COL22A1: variants seen among roughly 807,000 people sequenced by gnomAD.
The protein encoded by COL22A1 is collagen alpha-1(XXII) chain.
Under a neutral mutation model 248.9 loss-of-function variants are expected in COL22A1, and 221 were observed. The observed-to-expected ratio is 0.89, with a 90% CI of 0.80 to 0.99. The LOEUF (loss-of-function observed/expected upper bound fraction) is 0.99, where lower values mean the gene tolerates loss of function less well. Ranked by LOEUF, COL22A1 falls within the 50% of genes least tolerant of loss-of-function variation. The probability of loss-of-function intolerance (pLI) is 0.00; values close to 1 mark genes in which losing one functional copy is unlikely to be tolerated. For missense variants in COL22A1, 2,240 were observed against 2,179.0 expected (o/e 1.03, Z -0.56); for synonymous variants, 891 against 793.4 (o/e 1.12, Z -2.07).
intron 28 of COL22A1, among the ~76,000 whole-genome samples, 178 bp downstream of exon 28, chr8:138,716,647 G>GCCAC (rs1829455684): frequency 6.6e-6 from 1 of 152,048 alleles, no homozygotes; most frequent in African/African-American, 2.4e-5. Context: ...ACACCTGCAG[G>GCCAC]CCACCACTCG....
intron 1 of COL22A1, among the ~76,000 whole-genome samples, chr8:138,910,092 C>A (rs2132207542): frequency 6.6e-6 from 1 of 152,286 alleles, no homozygotes; most frequent in South Asian, 2.1e-4. Flanking sequence ...CACCACAAAG[C>A]AAGGAGCTGA....
At chr8:138,906,567 G>A (rs1416972436) in intron 1 of COL22A1, among the ~76,000 whole-genome samples, 1 of 111,306 alleles carries the variant, frequency 9.0e-6, no homozygotes, top group Admixed American at 1.0e-4. Context: ...AACTTAGTAA[G>A]AGGGAGCTCT....
At chr8:138,665,452 G>A (rs1007425976) in intron 41 of COL22A1, among the ~76,000 whole-genome samples, 32 of 152,224 alleles carry the variant, frequency 2.1e-4, no homozygotes, top group Non-Finnish European at 7.3e-5. Flanking sequence ...TGGGATGCAG[G>A]TGTATGATGA....
intron 55 of COL22A1, among the ~76,000 whole-genome samples, chr8:138,615,027 G>A (rs374739944): frequency 1.3e-5 from 2 of 152,224 alleles, no homozygotes; most frequent in South Asian, 2.1e-4. Context: ...CTGACCAATC[G>A]GCCAGTTCCA....
Position 138,807,779 on chromosome 8 carries a change from G to T in COL22A1, c.1483C>A (p.Pro495Thr). Residue 495 changes from proline (P) to threonine (T), a missense_variant, in exon 10 of 65, where the codon CCT becomes ACT. Coordinates refer to ENST00000303045, the MANE Select transcript of COL22A1 (RefSeq NM_152888.3). Reference protein sequence around the residue: ...EMGVAGPMGLPGPKGDIGAIG... With the variant: ...EMGVAGPMGLTGPKGDIGAIG... ...ATGCCTGTACTGACCTTTGGACCAG[G>T]GAGCCCCATGGGGCCAGCAACTCCC... The T allele has an allele frequency of 6.2e-7, 1 of 1,613,918 alleles. No individual in the cohort carries two copies. The highest frequency in any genetic ancestry group is 8.5e-7 in the Non-Finnish European group (1 of 1,179,908).
chr8:138,821,355 G>T lies in COL22A1; in HGVS notation c.1026C>A (p.Ala342=), dbSNP rs201042208. 6.2e-7 allele frequency: 1 copy of T among 1,614,152 alleles called. No individual in the cohort carries two copies. The highest frequency in any genetic ancestry group is 2.2e-5 in the East Asian group (1 of 44,872). The part of the protein sequence containing the change: ...NKAVEYNAVG[A]MKDAVRVVFR... ...AGACCACCCTGACAGCATCTTTCATGGCACCCACAGCGTTGTACTCGACTG... is the reference window on the plus strand; with the variant it reads ...AGACCACCCTGACAGCATCTTTCATTGCACCCACAGCGTTGTACTCGACTG... Residue 342 remains alanine, a synonymous_variant, in exon 7 of 65, where the codon GCC becomes GCA. Coordinates refer to ENST00000303045, the MANE Select transcript of COL22A1 (RefSeq NM_152888.3).
chr8:138,805,364 C>A (rs750399175), intron 10 of COL22A1, among the ~76,000 whole-genome samples: 10 of 54,590 alleles, frequency 1.8e-4, no homozygotes, highest in Non-Finnish European at 2.7e-4. Context: ...TGATGGTGTG[C>A]ATGGGTGTGT....
chr8:138,823,856 G>A (rs1161819445), intron 6 of COL22A1, among the ~76,000 whole-genome samples: 8 of 152,148 alleles, frequency 5.3e-5, no homozygotes, highest in African/African-American at 1.9e-4. Context: ...AAAACACATG[G>A]TACACAGTGG....
In COL22A1 at chr8:138,649,784, A is replaced by T. The variant is rs746066773; in HGVS notation, c.3334-6T>A. 2.9e-5 allele frequency: 45 copies of T among 1,541,948 alleles called. No homozygotes were observed. The highest frequency in any genetic ancestry group is 8.1e-5 in the Admixed American group (4 of 49,594). ...GGGCAGTCATTGCACACATCCTGAGAGTGGGGAGAGAGGTGGGGACAAAGA... is the reference window on the plus strand; with the variant it reads ...GGGCAGTCATTGCACACATCCTGAGTGTGGGGAGAGAGGTGGGGACAAAGA... On this transcript the variant is annotated splice_polypyrimidine_tract_variant and splice_region_variant and intron_variant, in intron 45 of 64. Coordinates refer to ENST00000303045, the MANE Select transcript of COL22A1 (RefSeq NM_152888.3).
At chr8:138,627,974 A>G (rs962233887) in intron 50 of COL22A1, among the ~76,000 whole-genome samples, 1 of 152,232 alleles carries the variant, frequency 6.6e-6, no homozygotes, top group African/African-American at 2.4e-5. Flanking sequence ...ATCTAAATTG[A>G]TATAGCTATA....
chr8:138,687,363 CG>C (rs1167761848), intron 37 of COL22A1, among the ~76,000 whole-genome samples: 1 of 152,114 alleles, frequency 6.6e-6, no homozygotes, highest in Non-Finnish European at 1.5e-5. Flanking sequence ...TTCTGGGAGA[CG>C]TGTATCTTAA....
At chr8:138,607,889 T>G in intron 57 of COL22A1, 47 bp downstream of exon 57, 2 of 1,585,242 alleles carry the variant, frequency 1.3e-6, no homozygotes, top group Non-Finnish European at 1.7e-6. Context: ...ACAAGCCCTT[T>G]CAAAGCCCAC....
chr8:138,848,539 C>T (rs182185433), intron 3 of COL22A1, among the ~76,000 whole-genome samples: 39 of 152,270 alleles, frequency 2.6e-4, no homozygotes, highest in African/African-American at 8.9e-4. Context: ...CTGATGTCCT[C>T]GTGCTCTATG....
chr8:138,595,662 A>T (rs778607460), intron 62 of COL22A1, among the ~76,000 whole-genome samples: 13 of 151,818 alleles, frequency 8.6e-5, no homozygotes, highest in Non-Finnish European at 1.3e-4. Flanking sequence ...TTTTTCCTGC[A>T]TGGAAATGGA....
rs138975984 is a variant in COL22A1, at chr8:138,885,989, G to T, written c.-72-2745C>A. On this transcript the variant is annotated intron_variant, in intron 1 of 64. Transcript: ENST00000303045. ...CCTTGGTTTTCCAACAACCCATTAG[G>T]TTATATCTATCCTCCAAATTTTGCC... Among the ~76,000 whole-genome samples the T allele has an allele frequency of 6.9e-3, 1,048 of 152,062 alleles. 12 individuals carry two copies. Among genetic ancestry groups the T allele is most frequent in the African/African-American group, 0.024 (1,002 of 41,484 alleles).
At chr8:138,878,924 C>T (rs139721193) in intron 2 of COL22A1, among the ~76,000 whole-genome samples, 5,834 of 152,096 alleles carry the variant, frequency 0.038, 404 homozygotes, top group African/African-American at 0.13. Flanking sequence ...AGGAGAATGG[C>T]GTGAACCCGG....
chr8:138,758,738 G>A (rs1342510563), intron 18 of COL22A1, among the ~76,000 whole-genome samples: 4 of 152,168 alleles, frequency 2.6e-5, no homozygotes, highest in Non-Finnish European at 5.9e-5. Context: ...AGCTTCACTG[G>A]TTTCTTAATT....
At chr8:138,606,347 G>A in intron 58 of COL22A1, 34 bp downstream of exon 58, 1 of 1,589,540 alleles carries the variant, frequency 6.3e-7, no homozygotes, top group Non-Finnish European at 8.6e-7. Flanking sequence ...CCTGGAGCCA[G>A]GTATCTTGGG....
intron 3 of COL22A1, among the ~76,000 whole-genome samples, chr8:138,849,467 T>C (rs1308102482): frequency 6.6e-6 from 1 of 152,210 alleles, no homozygotes; most frequent in Non-Finnish European, 1.5e-5. Flanking sequence ...AAGAAGTTAG[T>C]CAACTGCCCA....
Sources: gnomAD v4.1 joint callset for allele counts (sites outside exome capture counted in the v4.1 genomes callset) on GRCh38, gnomAD v4.1.1 for gene constraint, MANE v1.5 for transcripts, NCBI Gene and HGNC (gene_info 2026-07-23, HGNC 2026-07-21) for gene names.